FAM20B: variants seen among roughly 807,000 people sequenced by gnomAD.
FAM20B encodes glycosaminoglycan xylosylkinase.
FAM20B carries 23 observed loss-of-function variants against 43.8 expected under a neutral mutation model. The ratio of observed to expected loss-of-function variants is 0.53; its 90% CI spans 0.38 to 0.74. FAM20B has a LOEUF of 0.74. FAM20B is among the 30% of genes least tolerant of loss of function. FAM20B has a pLI of 0.00. For synonymous variants in FAM20B, 178 were observed against 192.4 expected (o/e 0.93, Z 0.62); for missense variants, 440 against 510.5 (o/e 0.86, Z 1.33).
chr1:179,061,314 G>A (rs1297160185), intron 4 of FAM20B, among the ~76,000 whole-genome samples: 1 of 152,068 alleles, frequency 6.6e-6, no homozygotes, highest in Non-Finnish European at 1.5e-5. Flanking sequence ...CTGACCTCAA[G>A]TGATCAGGAG....
intron 1 of FAM20B, among the ~76,000 whole-genome samples, chr1:179,040,980 C>G: frequency 7.4e-6 from 1 of 135,718 alleles, no homozygotes; most frequent in African/African-American, 2.9e-5. Flanking sequence ...CCAGACGGGG[C>G]CGGCGGGCAG....
At chr1:179,040,794 C>T (rs994439526) in intron 1 of FAM20B, among the ~76,000 whole-genome samples, 91 of 152,010 alleles carry the variant, frequency 6.0e-4, no homozygotes, top group African/African-American at 2.1e-3. Context: ...GGCTGCTGGG[C>T]GGAGACGCTC....
chr1:179,021,928 A>AT (rs1456974026), upstream of FAM20B, among the ~76,000 whole-genome samples: 1 of 152,178 alleles, frequency 6.6e-6, no homozygotes, highest in Non-Finnish European at 1.5e-5. Flanking sequence ...AATAACCGAA[A>AT]TATTCCCACC....
chr1:179,070,030 G>A (rs988819772), intron 7 of FAM20B, among the ~76,000 whole-genome samples: 1 of 152,056 alleles, frequency 6.6e-6, no homozygotes. Flanking sequence ...ACCACAGACT[G>A]GGTAATTTAT....
At chr1:179,037,664 T>G (rs1650304095) in intron 1 of FAM20B, among the ~76,000 whole-genome samples, 1 of 151,966 alleles carries the variant, frequency 6.6e-6, no homozygotes, top group Non-Finnish European at 1.5e-5. Flanking sequence ...TTTTTGTATT[T>G]TTCATAGAGA....
At chr1:179,058,101 G>A (rs1423476326) in intron 4 of FAM20B, among the ~76,000 whole-genome samples, 2 of 152,092 alleles carry the variant, frequency 1.3e-5, no homozygotes, top group Non-Finnish European at 2.9e-5. Flanking sequence ...TAATATTGAA[G>A]TATAATTTCA....
At chr1:179,056,650 A>G (rs868386516) in intron 4 of FAM20B, among the ~76,000 whole-genome samples, 1 of 152,174 alleles carries the variant, frequency 6.6e-6, no homozygotes, top group African/African-American at 2.4e-5. Flanking sequence ...CTTTTGGGTA[A>G]ATACCAAGGA....
chr1:179,019,455 G>T, the FAM20B span, among the ~76,000 whole-genome samples: 9 of 137,812 alleles, frequency 6.5e-5, no homozygotes, highest in South Asian at 4.7e-4. Context: ...TTTTTTTTTT[G>T]TTTGTTTGTT....
chr1:179,065,107 C>A (rs1332555581), intron 6 of FAM20B, among the ~76,000 whole-genome samples: 1 of 151,556 alleles, frequency 6.6e-6, no homozygotes, highest in Non-Finnish European at 1.5e-5. Context: ...ATTTCCATTT[C>A]ATATTCTGCA....
the FAM20B span, among the ~76,000 whole-genome samples, chr1:179,019,590 G>A: frequency 6.6e-6 from 1 of 151,958 alleles, no homozygotes; most frequent in Non-Finnish European, 1.5e-5. Context: ...AGCCTCCCGA[G>A]TACCTGGGAT....
intron 3 of FAM20B, among the ~76,000 whole-genome samples, chr1:179,054,125 A>T (rs780395593): frequency 5.3e-5 from 8 of 151,430 alleles, no homozygotes; most frequent in Middle Eastern, 3.4e-3. Flanking sequence ...TTTTTTAACC[A>T]ACATGCTGTT....
chr1:179,018,496 G>A, the FAM20B span, among the ~76,000 whole-genome samples: 19 of 151,972 alleles, frequency 1.3e-4, no homozygotes, highest in African/African-American at 2.9e-4. Flanking sequence ...TAGTAGAAGC[G>A]GGGTTTCACT....
intron 1 of FAM20B, among the ~76,000 whole-genome samples, chr1:179,040,148 G>T (rs916397511): frequency 6.6e-6 from 1 of 152,186 alleles, no homozygotes; most frequent in African/African-American, 2.4e-5. Flanking sequence ...ACACAGACAC[G>T]GCAACCATCC....
Position 179,064,078 on chromosome 1 carries a change from C to G in FAM20B, c.726C>G (p.Tyr242Ter). ...QKHRHPWGRTYREGKLARWEY... is the reference protein window; with the variant it reads ...QKHRHPWGRT ...ACCGTCACCCATGGGGCAGGACTTA[C>G]CGAGAAGGCAAATTGGCCAGGTAAA... Residue 242 changes from tyrosine (Y) to a stop codon, truncating the protein, a stop_gained, in exon 5 of 8, where the codon TAC becomes TAG. Transcript: ENST00000263733. LOFTEE classifies it high-confidence loss of function. 6.2e-7 allele frequency: 1 copy of G among 1,610,064 alleles called. No individual in the cohort carries two copies. Among genetic ancestry groups the G allele is most frequent in the Non-Finnish European group, 8.5e-7 (1 of 1,178,880 alleles).
intron 1 of FAM20B, chr1:179,035,370 T>A: frequency 1.4e-6 from 1 of 702,912 alleles, no homozygotes; most frequent in Non-Finnish European, 2.6e-6. Flanking sequence ...GTAGGGGTGT[T>A]CGGTCCTCGT....
At chr1:179,041,345 C>T (rs1164307556) in intron 1 of FAM20B, among the ~76,000 whole-genome samples, 1 of 152,162 alleles carries the variant, frequency 6.6e-6, no homozygotes, top group Admixed American at 6.5e-5. Context: ...GATCACGCCA[C>T]TGCACTCCAG....
chr1:179,066,638 T>C (rs895683749), intron 6 of FAM20B, among the ~76,000 whole-genome samples, 162 bp from the exon 7 acceptor site: 3 of 152,156 alleles, frequency 2.0e-5, no homozygotes, highest in Non-Finnish European at 2.9e-5. Flanking sequence ...CTGTGTCTAA[T>C]TGGTCATGCC....
rs1179050167 is a variant in FAM20B at position 179,072,022 on chromosome 1, C to G, written c.1108C>G (p.Pro370Ala). 4 of 1,614,056 alleles carry G rather than the reference C, an allele frequency of 2.5e-6. No homozygotes were observed. Among genetic ancestry groups the G allele is most frequent in the African/African-American group, 2.7e-5 (2 of 74,930 alleles). ...HDPISPVLSD[P>A]HLDAVDQRLL... Reference sequence around the variant, plus strand: ...CCCCATCTCCCCAGTGCTCTCTGATCCTCATCTGGACGCCGTGGACCAGCG... The same window carrying G: ...CCCCATCTCCCCAGTGCTCTCTGATGCTCATCTGGACGCCGTGGACCAGCG... The change falls in exon 8 of 8, where the codon CCT becomes GCT. Residue 370 changes from proline (P) to alanine (A), a missense_variant. By Grantham distance (27) the Pro-to-Ala change is conservative. Coordinates refer to ENST00000263733, the MANE Select transcript of FAM20B (RefSeq NM_014864.4).
chr1:179,039,495 A>G (rs1650389483), intron 1 of FAM20B, among the ~76,000 whole-genome samples: 1 of 152,216 alleles, frequency 6.6e-6, no homozygotes, highest in Non-Finnish European at 1.5e-5. Context: ...ATATTCTGCT[A>G]ATAGCTAGAT....
Sources: gnomAD v4.1 joint callset for allele counts (sites outside exome capture counted in the v4.1 genomes callset) on GRCh38, gnomAD v4.1.1 for gene constraint, MANE v1.5 for transcripts, NCBI Gene and HGNC (gene_info 2026-07-23, HGNC 2026-07-21) for gene names.